TUSC3: variants seen among roughly 807,000 people sequenced by gnomAD.
TUSC3 encodes tumor suppressor candidate 3, also known as dolichyl-diphosphooligosaccharide--protein glycosyltransferase subunit TUSC3.
TUSC3 carries 45 observed loss-of-function variants against 44.8 expected under a neutral mutation model. That is an observed-to-expected ratio of 1.00 (90% confidence interval 0.79 to 1.29). TUSC3 has a LOEUF of 1.29. TUSC3 is among the 50% of genes most tolerant of loss of function. The pLI, the probability that TUSC3 is intolerant of heterozygous loss-of-function variation, is 0.00. For synonymous variants in TUSC3, 212 were observed against 152.9 expected (o/e 1.39, Z -2.85); for missense variants, 519 against 437.9 (o/e 1.19, Z -1.65).
intron 2 of TUSC3, among the ~76,000 whole-genome samples, chr8:15,650,286 C>G (rs979489580): frequency 6.6e-6 from 1 of 152,160 alleles, no homozygotes; most frequent in Non-Finnish European, 1.5e-5. Context: ...TTGCATTTTA[C>G]TAAACATTAT....
intron 9 of TUSC3, chr8:15,748,764 G>A (rs778237919): frequency 7.2e-6 from 4 of 558,654 alleles, no homozygotes; most frequent in Non-Finnish European, 1.4e-5. Flanking sequence ...CCCTTAGTTT[G>A]TCGTGATTTC....
chr8:15,650,405 G>C (rs148203375), intron 2 of TUSC3, among the ~76,000 whole-genome samples: 1 of 152,118 alleles, frequency 6.6e-6, no homozygotes, highest in African/African-American at 2.4e-5. Flanking sequence ...GATACATGTA[G>C]TTGCTGTCTT....
intron 6 of TUSC3, among the ~76,000 whole-genome samples, chr8:15,704,479 G>C (rs1809534370): frequency 6.6e-6 from 1 of 151,946 alleles, no homozygotes; most frequent in African/African-American, 2.4e-5. Flanking sequence ...TCAAGCCAAG[G>C]AGTGAGATAA....
chr8:15,458,708 G>A (rs1472089385), intron 1 of TUSC3, among the ~76,000 whole-genome samples: 1 of 152,116 alleles, frequency 6.6e-6, no homozygotes, highest in East Asian at 1.9e-4. Flanking sequence ...GACTTTTCAA[G>A]ATAAATGAAC....
intron 1 of TUSC3, among the ~76,000 whole-genome samples, chr8:15,481,382 C>G (rs1005712915): frequency 1.3e-5 from 2 of 151,770 alleles, no homozygotes; most frequent in Admixed American, 1.3e-4. Flanking sequence ...TATTAAAGGA[C>G]AAGTTCAGAC....
chr8:15,593,158 T>C (rs1380653139), intron 1 of TUSC3, among the ~76,000 whole-genome samples: 1 of 152,180 alleles, frequency 6.6e-6, no homozygotes, highest in Non-Finnish European at 1.5e-5. Context: ...TGATCTTGGC[T>C]CACTGCAGCC....
At chr8:15,496,546 A>T (rs1800882809) in intron 2 of TUSC3, among the ~76,000 whole-genome samples, 1 of 152,294 alleles carries the variant, frequency 6.6e-6, no homozygotes, top group Non-Finnish European at 1.5e-5. Flanking sequence ...ACAAGGTCTT[A>T]CTTTTGGGAG....
At chr8:15,444,950 A>G (rs1800073379) in intron 1 of TUSC3, among the ~76,000 whole-genome samples, 1 of 152,156 alleles carries the variant, frequency 6.6e-6, no homozygotes, top group Non-Finnish European at 1.5e-5. Flanking sequence ...CACTCTACGA[A>G]CTTCAGATGC....
intron 9 of TUSC3, 32 bp from the exon 10 acceptor site, chr8:15,757,759 A>G (rs374289292): frequency 2.8e-5 from 42 of 1,474,146 alleles, no homozygotes; most frequent in Non-Finnish European, 3.6e-5. Context: ...TTTTTTCCAT[A>G]TTGTTGTATT....
chr8:15,602,517 A>T (rs1045307889), intron 1 of TUSC3, among the ~76,000 whole-genome samples: 1 of 151,574 alleles, frequency 6.6e-6, no homozygotes, highest in South Asian at 2.1e-4. Context: ...GGAGGAAGTA[A>T]TGCAGAGCTG....
intron 1 of TUSC3, among the ~76,000 whole-genome samples, chr8:15,447,277 A>C (rs895145701): frequency 1.3e-5 from 2 of 152,196 alleles, no homozygotes; most frequent in Non-Finnish European, 2.9e-5. Context: ...GCAAGATCTA[A>C]GGAGTTTTGA....
chr8:15,503,986 C>T (rs952611851), intron 2 of TUSC3, among the ~76,000 whole-genome samples: 1 of 148,110 alleles, frequency 6.8e-6, no homozygotes, highest in South Asian at 2.2e-4. Flanking sequence ...TGCTCTCCAG[C>T]CTGGGCAACA....
intron 6 of TUSC3, among the ~76,000 whole-genome samples, chr8:15,681,873 C>G (rs1372654752): frequency 6.6e-6 from 1 of 151,948 alleles, no homozygotes; most frequent in South Asian, 2.1e-4. Flanking sequence ...TCTTTGCTGT[C>G]ATTTGATTCA....
intron 1 of TUSC3, among the ~76,000 whole-genome samples, chr8:15,565,031 T>C (rs1248373802): frequency 6.6e-6 from 1 of 152,128 alleles, no homozygotes; most frequent in Non-Finnish European, 1.5e-5. Flanking sequence ...TAACAAATTA[T>C]CACAAATTTA....
At chr8:15,691,187 C>T (rs994935152) in intron 6 of TUSC3, among the ~76,000 whole-genome samples, 3 of 151,824 alleles carry the variant, frequency 2.0e-5, no homozygotes, top group Non-Finnish European at 4.4e-5. Context: ...CTTTGAACAA[C>T]ATTTTATAAT....
chr8:15,807,994 A>G, the TUSC3 span, among the ~76,000 whole-genome samples: 1 of 45,120 alleles, frequency 2.2e-5, no homozygotes, highest in African/African-American at 7.4e-5. Context: ...ATACCTGTAT[A>G]TGTACCTCTA....
intron 1 of TUSC3, among the ~76,000 whole-genome samples, chr8:15,473,650 C>A (rs964367318): frequency 6.6e-6 from 1 of 152,108 alleles, no homozygotes; most frequent in African/African-American, 2.4e-5. Context: ...GACCGTGCTA[C>A]CCACCTGAGC....
chr8:15,477,584 A>C (rs1277021145), intron 1 of TUSC3, among the ~76,000 whole-genome samples: 1 of 151,906 alleles, frequency 6.6e-6, no homozygotes, highest in African/African-American at 2.4e-5. Flanking sequence ...TAGCCAAGTG[A>C]GGTGGCGGGT....
At chr8:15,850,619 G>C in the TUSC3 span, among the ~76,000 whole-genome samples, 2 of 151,952 alleles carry the variant, frequency 1.3e-5, no homozygotes, top group South Asian at 2.1e-4. Context: ...GCTTTTGAAA[G>C]GTTCTATTTG....
Sources: gnomAD v4.1 joint callset for allele counts (sites outside exome capture counted in the v4.1 genomes callset) on GRCh38, gnomAD v4.1.1 for gene constraint, MANE v1.5 for transcripts, NCBI Gene and HGNC (gene_info 2026-07-23, HGNC 2026-07-21) for gene names.